Variants in DNAH2 observed in about 807,000 individuals in gnomAD.
The protein encoded by DNAH2 is dynein axonemal heavy chain 2.
In DNAH2, 323 loss-of-function variants were observed where a neutral mutation model predicts 523.5. The ratio of observed to expected loss-of-function variants is 0.62; its 90% CI spans 0.56 to 0.68. The LOEUF (loss-of-function observed/expected upper bound fraction) is 0.68, where lower values mean the gene tolerates loss of function less well. Among genes scored for constraint, DNAH2 ranks in the 30% least tolerant of loss-of-function variants. The pLI is 0.00. For synonymous variants in DNAH2, 2,093 were observed against 2,177.4 expected, an observed-to-expected ratio of 0.96 and a Z score of 1.08; for missense variants, 4,907 against 5,701.5, an observed-to-expected ratio of 0.86 and a Z score of 4.49.
chr17:7,763,088 G>T (rs2076052287), intron 18 of DNAH2, among the ~76,000 whole-genome samples: 1 of 151,838 alleles, frequency 6.6e-6, no homozygotes, highest in Admixed American at 6.6e-5. Context: ...TGATTCTTCT[G>T]CCTCAGCCTC....
Position 7,797,220 on chromosome 17 carries a change from C to T in DNAH2, c.7908C>T (p.Thr2636=). 2 of 1,613,938 alleles carry T rather than the reference C, an allele frequency of 1.2e-6. No homozygotes were observed. Among genetic ancestry groups the T allele is most frequent in the Non-Finnish European group, 1.7e-6 (2 of 1,179,998 alleles). Residue 2636 remains threonine, a synonymous_variant, in exon 51 of 86, where the codon ACC becomes ACT. Transcript: ENST00000572933. The part of the protein sequence containing the change: ...MLRANKDFHD[T]KSSITRLWIH... ...GAGCCAACAAGGACTTCCATGATAC[C>T]AAGTCCAGCATCACACGGCTCTGGA...
chr17:7,719,262 G>T (rs1021299628), intron 1 of DNAH2, among the ~76,000 whole-genome samples: 2 of 151,896 alleles, frequency 1.3e-5, no homozygotes, highest in Admixed American at 6.6e-5. Flanking sequence ...CGAGTAGCTG[G>T]AATTACAGGC....
chr17:7,758,435 A>G (rs976062385), intron 13 of DNAH2, 60 bp from the exon 14 acceptor site: 20 of 1,556,270 alleles, frequency 1.3e-5, no homozygotes, highest in Non-Finnish European at 1.7e-5. Flanking sequence ...TGTTTCCTGA[A>G]GTGGAGGAAA....
At position 7,775,708 on chromosome 17, in the gene DNAH2, A is replaced by G. The variant is rs564557686; in HGVS notation, c.4822-316A>G. On this transcript the variant is annotated intron_variant, in intron 30 of 85. Coordinates refer to ENST00000572933, the MANE Select transcript of DNAH2 (RefSeq NM_020877.5). ...CTCAAAACCAAAAAAAAAAAAAGAA[A>G]AAAAAAAAAAAAGAAAGTTCAACTG... 1.3e-3 allele frequency among the ~76,000 whole-genome samples: 198 copies of G among 149,186 alleles called. 1 individual carries two copies. Among genetic ancestry groups the G allele is most frequent in the African/African-American group, 4.5e-3 (186 of 40,934 alleles).
In DNAH2 at chr17:7,757,238, G is replaced by T. The variant is rs1423364771; in HGVS notation, c.2051+1G>T. 6.2e-7 allele frequency: 1 copy of T among 1,613,812 alleles called. No individual in the cohort carries two copies. Among genetic ancestry groups the T allele is most frequent in the African/African-American group, 1.3e-5 (1 of 74,872 alleles). On this transcript the variant is annotated splice_donor_variant, in intron 13 of 85. Transcript: ENST00000572933. LOFTEE classifies it high-confidence loss of function. Reference sequence around the variant, plus strand: ...TACTCGTTGCTAGAGACTACAATAGGTAGGGCTTCAGTCCTCACTGCAGCC... The same window carrying T: ...TACTCGTTGCTAGAGACTACAATAGTTAGGGCTTCAGTCCTCACTGCAGCC...
At chr17:7,808,527 T>C (rs1317351790) in intron 63 of DNAH2, among the ~76,000 whole-genome samples, 1 of 152,198 alleles carries the variant, frequency 6.6e-6, no homozygotes, top group Non-Finnish European at 1.5e-5. Flanking sequence ...CCCAAGGTAA[T>C]ACAGTTACAT....
intron 22 of DNAH2, 133 bp downstream of exon 22, chr17:7,766,614 G>T: frequency 1.9e-6 from 1 of 534,112 alleles, no homozygotes; most frequent in East Asian, 4.3e-5. Context: ...TTCAGTTGAG[G>T]TAAAATTCAT....
chr17:7,805,539 C>A, intron 61 of DNAH2, 146 bp downstream of exon 61: 1 of 1,220,826 alleles, frequency 8.2e-7, no homozygotes, highest in Non-Finnish European at 1.1e-6. Flanking sequence ...AAGGAGACCG[C>A]ATGAATATCA....
chr17:7,736,986 T>C, intron 7 of DNAH2, 81 bp from the exon 8 acceptor site: 1 of 1,261,804 alleles, frequency 7.9e-7, no homozygotes, highest in Non-Finnish European at 1.1e-6. Flanking sequence ...CCATCTAAAA[T>C]AAATAAATAA....
Position 7,771,345 on chromosome 17 carries a change from G to T in DNAH2, c.4378G>T (p.Glu1460Ter), listed in dbSNP as rs752065414. The change falls in exon 28 of 86, where the codon GAA becomes TAA. Residue 1460 changes from glutamate to a stop codon, truncating the protein, a stop_gained. Coordinates refer to ENST00000572933, the MANE Select transcript of DNAH2 (RefSeq NM_020877.5). LOFTEE classifies it high-confidence loss of function. ...WMYLENIFLG[E>*]DIRKQLPNES... Reference sequence around the variant, plus strand: ...GCCCCCTCAGAATATCTTCCTAGGAGAAGACATCCGCAAGCAGCTGCCCAA... The same window carrying T: ...GCCCCCTCAGAATATCTTCCTAGGATAAGACATCCGCAAGCAGCTGCCCAA... The T allele has an allele frequency of 6.2e-7, 1 of 1,614,132 alleles. No homozygotes were observed. Among genetic ancestry groups the T allele is most frequent in the Non-Finnish European group, 8.5e-7 (1 of 1,180,024 alleles).
intron 63 of DNAH2, among the ~76,000 whole-genome samples, chr17:7,808,254 C>T (rs539080961): frequency 6.6e-5 from 10 of 151,886 alleles, no homozygotes; most frequent in Non-Finnish European, 1.3e-4. Flanking sequence ...ACCTGTAATC[C>T]CAGCTACTCA....
intron 56 of DNAH2, among the ~76,000 whole-genome samples, chr17:7,800,943 G>T (rs2077206192): frequency 6.6e-6 from 1 of 150,524 alleles, no homozygotes; most frequent in African/African-American, 2.4e-5. Flanking sequence ...TGCCATGTTG[G>T]CTCACTGCAA....
At chr17:7,833,321 T>C (rs982914577) in intron 85 of DNAH2, 58 bp from the exon 86 acceptor site, 3 of 1,609,186 alleles carry the variant, frequency 1.9e-6, no homozygotes, top group Admixed American at 1.7e-5. Context: ...CCTGCCCTGC[T>C]CCTGCCCTGC....
rs2077130011 is a variant in DNAH2, at chr17:7,798,477, G to A, written c.8399-81G>A. The A allele has an allele frequency of 5.7e-6, 9 of 1,577,388 alleles. No individual in the cohort carries two copies. Among genetic ancestry groups the A allele is most frequent in the Non-Finnish European group, 6.9e-6 (8 of 1,163,172 alleles). ...CGCGTGTATGCTGCGGGGCGGGGAG[G>A]GTTCCTAAATCTCAGAAAAGGAATC... On this transcript the variant is annotated intron_variant, in intron 54 of 85. Coordinates refer to ENST00000572933, the MANE Select transcript of DNAH2 (RefSeq NM_020877.5). The surrounding 1 kb of genome is among the most constrained non-coding windows in gnomAD (Gnocchi z 5.5).
rs975565593 is a variant in DNAH2, at chr17:7,832,969, T to A, written c.12978+41T>A. On this transcript the variant is annotated intron_variant, in intron 84 of 85. Coordinates refer to ENST00000572933, the MANE Select transcript of DNAH2 (RefSeq NM_020877.5). This position sits in a 1 kb window ranked among gnomAD's most constrained non-coding sequence, Gnocchi z 4.3. Reference sequence around the variant, plus strand: ...GCTTGGGGCTCTGAGCAAAAGAGGGTACTGGAAATAATTGGACGAAAAGGG... The same window carrying A: ...GCTTGGGGCTCTGAGCAAAAGAGGGAACTGGAAATAATTGGACGAAAAGGG... The A allele has an allele frequency of 1.2e-6, 2 of 1,613,562 alleles. No individual in the cohort carries two copies. The highest frequency in any genetic ancestry group is 1.7e-6 in the Non-Finnish European group (2 of 1,179,816).
In DNAH2 at chr17:7,797,257, T is replaced by C; in HGVS notation, c.7945T>C (p.Phe2649Leu). Reference sequence around the variant, plus strand: ...CACACGGCTCTGGATCCATGAATGTTTCAGGTGACATGCATGTGCCCTGGC... The same window carrying C: ...CACACGGCTCTGGATCCATGAATGTCTCAGGTGACATGCATGTGCCCTGGC... Reference protein sequence around the residue: ...SITRLWIHECFRVFSDRLVDA... With the variant: ...SITRLWIHECLRVFSDRLVDA... Residue 2649 changes from phenylalanine to leucine, a missense_variant, in exon 51 of 86, where the codon TTC (phenylalanine) becomes CTC (leucine). By Grantham distance (22) the Phe-to-Leu change is conservative. Around this residue, in one of 3 missense-constraint regions of DNAH2, gnomAD observed 250 missense variants for 371.3 expected, o/e 0.67. Transcript: ENST00000572933. The C allele has an allele frequency of 6.2e-7, 1 of 1,614,076 alleles. No homozygotes were observed. The highest frequency in any genetic ancestry group is 8.5e-7 in the Non-Finnish European group (1 of 1,179,990).
chr17:7,823,783 C>A, intron 74 of DNAH2, 51 bp from the exon 75 acceptor site: 1 of 1,598,124 alleles, frequency 6.3e-7, no homozygotes, highest in Non-Finnish European at 8.6e-7. Flanking sequence ...CTGGATTCCC[C>A]GCTCTTCCAG....
Position 7,821,909 on chromosome 17 carries a change from C to T in DNAH2, c.11142+540C>T, listed in dbSNP as rs2077866022. ...TTCCAGACAACCATGCTGCACTCTC[C>T]CGCCCTCCTAGACATTTTCTTGACT... On this transcript the variant is annotated intron_variant, in intron 73 of 85. Coordinates refer to ENST00000572933, the MANE Select transcript of DNAH2 (RefSeq NM_020877.5). The surrounding 1 kb of genome is among the most constrained non-coding windows in gnomAD (Gnocchi z 5.0). Among the ~76,000 whole-genome samples, 1 of 152,128 alleles carries T rather than the reference C, an allele frequency of 6.6e-6. No homozygotes were observed. The highest frequency in any genetic ancestry group is 2.4e-5 in the African/African-American group (1 of 41,426).
intron 11 of DNAH2, 115 bp from the exon 12 acceptor site, chr17:7,742,813 T>C: frequency 1.6e-6 from 1 of 612,080 alleles, no homozygotes; most frequent in South Asian, 7.2e-5. Flanking sequence ...ATAGCAAGCC[T>C]TATGCATATT....
Sources: gnomAD v4.1 joint callset for allele counts (sites outside exome capture counted in the v4.1 genomes callset) on GRCh38, gnomAD v4.1.1 for gene constraint, gnomAD v4.1.1 regional missense constraint, Gnocchi (gnomAD v3.1) non-coding constraint, MANE v1.5 for transcripts, NCBI Gene and HGNC (gene_info 2026-07-23, HGNC 2026-07-21) for gene names.